The following EFNB1 variants were observed in gnomAD, a reference collection of about 807,000 sequenced individuals.
The protein encoded by EFNB1 is ephrin-B1.
In EFNB1, 1 loss-of-function variant was observed where a neutral mutation model predicts 18.1. The observed-to-expected ratio is 0.06, with a 90% CI of 0.02 to 0.26. The LOEUF is 0.26. Ranked by LOEUF, EFNB1 falls within the 10% of genes least tolerant of loss-of-function variation. The pLI is 1.00. For missense variants in EFNB1, 221 were observed against 301.8 expected, an observed-to-expected ratio of 0.73 and a Z score of 1.98; for synonymous variants, 131 against 127.5, an observed-to-expected ratio of 1.03 and a Z score of -0.19.
In EFNB1 at chrX:68,829,602, C is replaced by A. The variant is rs1602665748; in HGVS notation, c.-175C>A. The A allele has an allele frequency of 2.4e-6, 2 of 842,563 alleles. No individual in the cohort carries two copies. Among genetic ancestry groups the A allele is most frequent in the Non-Finnish European group, 3.3e-6 (2 of 601,850 alleles). The allele number at this position is 842,563 out of a possible 1,213,427, so 69.4% of individuals were successfully genotyped here. A position where few individuals can be genotyped will look rare whatever the true frequency, so the allele number is the denominator to read the frequency against. ...GCGGCTGCCCAGTGAGTCCTCCTGG[C>A]CGGCCGGGCGGAGAAGAGCGACACC... On this transcript the variant is annotated 5_prime_UTR_variant, in exon 1 of 5. Transcript: ENST00000204961.
chrX:68,829,707 A>G lies in EFNB1; in HGVS notation c.-70A>G. On this transcript the variant is annotated 5_prime_UTR_variant, in exon 1 of 5. Transcript: ENST00000204961. ...TGAGCGGCTCCGAGCGCAGCGCGGCAGAGGAAGGCGAGGCGAGCTTTGGTG... is the reference window on the plus strand; with the variant it reads ...TGAGCGGCTCCGAGCGCAGCGCGGCGGAGGAAGGCGAGGCGAGCTTTGGTG... 1 of 1,161,456 alleles carries G rather than the reference A, an allele frequency of 8.6e-7. No homozygotes were observed. Among genetic ancestry groups the G allele is most frequent in the Non-Finnish European group, 1.1e-6 (1 of 871,412 alleles).
At chrX:68,833,856 C>T (rs376892701) in intron 1 of EFNB1, among the ~76,000 whole-genome samples, 3 of 112,600 alleles carry the variant, frequency 2.7e-5, no homozygotes, top group African/African-American at 6.5e-5. Flanking sequence ...ATGATCTCAT[C>T]GAATGCTCCC....
intron 1 of EFNB1, among the ~76,000 whole-genome samples, chrX:68,831,185 C>A (rs1272907212): frequency 9.0e-6 from 1 of 111,182 alleles, no homozygotes; most frequent in Non-Finnish European, 1.9e-5. Flanking sequence ...CCGCCTCCCC[C>A]CCAGCCCCGC....
chrX:68,837,891 G>A (rs1254310816), intron 1 of EFNB1, among the ~76,000 whole-genome samples: 1 of 112,261 alleles, frequency 8.9e-6, no homozygotes, highest in Non-Finnish European at 1.9e-5. Context: ...TTTGAGGGTG[G>A]GATGAATTGC....
Position 68,841,923 on chromosome X carries a change from T to A in EFNB1, c.*1269T>A, listed in dbSNP as rs1464894783. On this transcript the variant is annotated 3_prime_UTR_variant, in exon 5 of 5. Coordinates refer to ENST00000204961, the MANE Select transcript of EFNB1 (RefSeq NM_004429.5). ...GCCCTCACACCATCCACCTCCACAC[T>A]GCCTCCTGGCCAGCTGCCCACCCCA... The A allele has an allele frequency of 8.8e-6, 1 of 113,145 alleles. No individual in the cohort carries two copies. Among genetic ancestry groups the A allele is most frequent in the Non-Finnish European group, 1.9e-5 (1 of 53,312 alleles). 9.3% of individuals were successfully genotyped at this position (113,145 alleles called of 1,213,427 possible).
At chrX:68,838,172 T>C (rs1399609199) in intron 1 of EFNB1, among the ~76,000 whole-genome samples, 179 of 31,722 alleles carry the variant, frequency 5.6e-3, no homozygotes, top group African/African-American at 0.012. Flanking sequence ...TGTGTGTGTG[T>C]GCGCGCGCGC....
chrX:68,840,287 G>A lies in EFNB1; in HGVS notation c.674G>A (p.Gly225Asp). 1 of 1,211,913 alleles carries A rather than the reference G, an allele frequency of 8.3e-7. No homozygotes were observed. Among genetic ancestry groups the A allele is most frequent in the South Asian group, 1.8e-5 (1 of 56,962 alleles). ...EEKSGPGASG[G>D]SSGDPDGFFN... is the part of the protein sequence containing the mutation. The stretch of plus-strand genomic sequence containing the variant: ...AAGAGTGGCCCAGGTGCAAGTGGGG[G>A]CAGCAGCGGGGACCCTGATGGCTTC... Residue 225 changes from glycine to aspartate, a missense_variant, in exon 5 of 5, where the codon GGC (glycine) becomes GAC (aspartate). Gly to Asp is a moderately conservative substitution (Grantham distance 94). Transcript: ENST00000204961.
chrX:68,830,674 C>T (rs770695695), intron 1 of EFNB1, among the ~76,000 whole-genome samples: 1 of 112,510 alleles, frequency 8.9e-6, no homozygotes, highest in African/African-American at 3.2e-5. Flanking sequence ...CGGAGAGTGG[C>T]GGCCGAGCTG....
In EFNB1 at chrX:68,840,425, A is replaced by C. The variant is rs1282336664; in HGVS notation, c.812A>C (p.Lys271Thr). Residue 271 changes from lysine (K) to threonine (T), a missense_variant, in exon 5 of 5, where the codon AAG becomes ACG. Transcript: ENST00000204961. ...LLLKLRKRHRKHTQQRAAALS... is the reference protein window; with the variant it reads ...LLLKLRKRHRTHTQQRAAALS... ...CTGAAGCTACGCAAGCGGCACCGCA[A>C]GCACACACAGCAGCGGGCGGCTGCC... 1.7e-6 allele frequency: 2 copies of C among 1,210,770 alleles called. No homozygotes were observed. The highest frequency in any genetic ancestry group is 2.2e-6 in the Non-Finnish European group (2 of 895,395).
rs749713799 is a variant in EFNB1 at position 68,839,955 on chromosome X, C to G, written c.500-5C>G. On this transcript the variant is annotated splice_polypyrimidine_tract_variant and splice_region_variant and intron_variant, in intron 3 of 4. Coordinates refer to ENST00000204961, the MANE Select transcript of EFNB1 (RefSeq NM_004429.5). ...GCCTCTCACCTGTTCTGTCTCCATT[C>G]TTAGATCCCAATGCTGTGACGCCTG... is the stretch of plus-strand genomic sequence containing the variant. The G allele has an allele frequency of 8.3e-7, 1 of 1,211,900 alleles. No homozygotes were observed. Among genetic ancestry groups the G allele is most frequent in the Non-Finnish European group, 1.1e-6 (1 of 895,508 alleles).
At chrX:68,838,084 C>T (rs774197996) in intron 1 of EFNB1, among the ~76,000 whole-genome samples, 63 of 105,351 alleles carry the variant, frequency 6.0e-4, no homozygotes, top group African/African-American at 2.1e-3. Context: ...CTGGGAGCTG[C>T]GGGGAGTGGT....
At chrX:68,838,170 TGTGCGCGC>T (rs776368843) in intron 1 of EFNB1, among the ~76,000 whole-genome samples, 8,290 of 38,509 alleles carry the variant, frequency 0.22, 359 homozygotes, top group Admixed American at 0.31. Flanking sequence ...TGTGTGTGTG[TGTGCGCGC>T]GCGCGCGCGC....
At chrX:68,831,873 A>G (rs2080446559) in intron 1 of EFNB1, among the ~76,000 whole-genome samples, 1 of 109,918 alleles carries the variant, frequency 9.1e-6, no homozygotes. Context: ...GAGGGCAGGC[A>G]TTGTGGGGTG....
Position 68,840,752 on chromosome X carries a change from T to C in EFNB1, c.*98T>C. The C allele has an allele frequency of 1.1e-6, 1 of 947,434 alleles. No homozygotes were observed. Among genetic ancestry groups the C allele is most frequent in the Non-Finnish European group, 1.5e-6 (1 of 683,607 alleles). 78.1% of individuals were successfully genotyped at this position (947,434 alleles called of 1,213,427 possible). On this transcript the variant is annotated 3_prime_UTR_variant, in exon 5 of 5. Transcript: ENST00000204961. ...CCTCCCCTTGCCAGCTGTGCCCACCTTTGTATTTAGTTTTGTAGTTTCTTG... is the reference window on the plus strand; with the variant it reads ...CCTCCCCTTGCCAGCTGTGCCCACCCTTGTATTTAGTTTTGTAGTTTCTTG...
At position 68,829,878 on chromosome X, in the gene EFNB1, C is replaced by G. The variant is rs1351216182; in HGVS notation, c.102C>G (p.Pro34=). Residue 34 remains proline (P), a synonymous_variant, in exon 1 of 5, where the codon CCC becomes CCG. Coordinates refer to ENST00000204961, the MANE Select transcript of EFNB1 (RefSeq NM_004429.5). ...CACCGCTGGCCAAGAACCTGGAGCC[C>G]GTATCCTGGAGCTCCCTCAACCCCA... is the stretch of plus-strand genomic sequence containing the variant. ...LATPLAKNLE[P]VSWSSLNPKF... is the part of the protein sequence containing the mutation. 1.7e-6 allele frequency: 2 copies of G among 1,169,996 alleles called. No homozygotes were observed. The highest frequency in any genetic ancestry group is 2.3e-4 in the Middle Eastern group (1 of 4,311).
At position 68,839,657 on chromosome X, in the gene EFNB1, C is replaced by A; in HGVS notation, c.407-7C>A. 2 of 1,210,271 alleles carry A rather than the reference C, an allele frequency of 1.7e-6. No homozygotes were observed. Among genetic ancestry groups the A allele is most frequent in the Non-Finnish European group, 2.2e-6 (2 of 894,531 alleles). On this transcript the variant is annotated splice_region_variant and splice_polypyrimidine_tract_variant and intron_variant, in intron 2 of 4. Transcript: ENST00000204961. ...ACTTCTCTGACTTCTCTGGCCTCTTCCTGCAGCAACATCCAATGGAAGCCT... is the reference window on the plus strand; with the variant it reads ...ACTTCTCTGACTTCTCTGGCCTCTTACTGCAGCAACATCCAATGGAAGCCT...
chrX:68,838,541 G>A, intron 1 of EFNB1, 76 bp from the exon 2 acceptor site: 1 of 1,170,780 alleles, frequency 8.5e-7, no homozygotes, highest in Non-Finnish European at 1.2e-6. Flanking sequence ...CCCGGCTCTT[G>A]TCCGCTTCCC....
At chrX:68,832,811 C>CGTGTGTGTGTGTGTGTGTGTGTGT (rs3085479) in intron 1 of EFNB1, among the ~76,000 whole-genome samples, 7 of 97,358 alleles carry the variant, frequency 7.2e-5, no homozygotes, top group African/African-American at 2.7e-4. Flanking sequence ...TCTGTGTGTG[C>CGTGTGTGTGTGTGTGTGTGTGTGT]GTGTGTGTGT....
In EFNB1 at chrX:68,829,225, T is replaced by C; in HGVS notation, c.-552T>C. The C allele has an allele frequency of 7.1e-6, 1 of 141,764 alleles. No individual in the cohort carries two copies. The highest frequency in any genetic ancestry group is 1.4e-5 in the Non-Finnish European group (1 of 72,416). 11.7% of individuals were successfully genotyped at this position (141,764 alleles called of 1,213,427 possible). A position where few individuals can be genotyped will look rare whatever the true frequency, so the allele number is the denominator to read the frequency against. ...ACACTGAGCAGGGCCCGCGCTGAAG[T>C]AGAAGCTGTCCGGGGGCGCGTAGCC... On this transcript the variant is annotated 5_prime_UTR_variant, in exon 1 of 5. Coordinates refer to ENST00000204961, the MANE Select transcript of EFNB1 (RefSeq NM_004429.5).
Sources: allele counts gnomAD v4.1 joint callset (sites outside exome capture counted in the v4.1 genomes callset), GRCh38; gene constraint gnomAD v4.1.1; transcripts MANE v1.5; gene names NCBI Gene and HGNC (gene_info 2026-07-23, HGNC 2026-07-21).